AK6: variants seen among roughly 807,000 people sequenced by gnomAD.
AK6 encodes the protein adenylate kinase isoenzyme 6.
A neutral mutation model predicts 23.7 loss-of-function variants in AK6; 24 were observed. The observed-to-expected ratio is 1.01, with a 90% CI of 0.73 to 1.43. The LOEUF (loss-of-function observed/expected upper bound fraction) is 1.43. Among genes scored for constraint, AK6 ranks in the 40% most tolerant of loss-of-function variants. The probability of loss-of-function intolerance (pLI) is 0.00; values close to 1 mark genes in which losing one functional copy is unlikely to be tolerated. For synonymous variants in AK6, 73 were observed against 69.8 expected (o/e 1.05, Z -0.23); for missense variants, 191 against 199.1 (o/e 0.96, Z 0.24).
chr5:69,352,967 T>C (rs1259711602), intron 4 of AK6, among the ~76,000 whole-genome samples: 1 of 152,212 alleles, frequency 6.6e-6, no homozygotes, highest in Non-Finnish European at 1.5e-5. Context: ...GGATACAATA[T>C]TCATAACAGC....
intron 2 of AK6, among the ~76,000 whole-genome samples, chr5:69,358,509 C>T (rs1762140803): frequency 8.9e-6 from 1 of 112,594 alleles, no homozygotes; most frequent in Admixed American, 1.1e-4. Flanking sequence ...CAGAGCAAGA[C>T]TCTGTCTCAA....
intron 2 of AK6, among the ~76,000 whole-genome samples, chr5:69,360,988 CT>C (rs1382464912): frequency 3.9e-5 from 6 of 152,158 alleles, no homozygotes; most frequent in Admixed American, 1.3e-4. Context: ...TATGGGTATT[CT>C]GCAGTTAGGA....
chr5:69,365,157 G>C, intron 2 of AK6: 1 of 1,614,230 alleles, frequency 6.2e-7, no homozygotes, highest in Non-Finnish European at 8.5e-7. Context: ...TGGAGACTGA[G>C]AAGTAGGCAT....
chr5:69,367,963 G>A (rs145710566), intron 1 of AK6: 1 of 152,172 alleles, frequency 6.6e-6, no homozygotes, highest in Non-Finnish European at 1.5e-5. Flanking sequence ...GCAGGAGTTC[G>A]AGACCAGCCT....
intron 2 of AK6, chr5:69,365,188 C>A: frequency 6.8e-6 from 11 of 1,614,206 alleles, no homozygotes; most frequent in Non-Finnish European, 8.5e-6. Context: ...AACCTTTGAC[C>A]TGTGAGGGAC....
At chr5:69,353,354 G>A (rs1761998316) in intron 4 of AK6, among the ~76,000 whole-genome samples, 1 of 152,132 alleles carries the variant, frequency 6.6e-6, no homozygotes, top group African/African-American at 2.4e-5. Flanking sequence ...CTGGAGTGCA[G>A]TGGTGTGATC....
chr5:69,363,652 C>T (rs1217106087), intron 2 of AK6, among the ~76,000 whole-genome samples: 1 of 151,630 alleles, frequency 6.6e-6, no homozygotes, highest in African/African-American at 2.4e-5. Context: ...GGCGTGGTGG[C>T]AGGTGCCTGT....
At chr5:69,352,359 C>T (rs1258803829) in intron 4 of AK6, 106 bp from the exon 5 acceptor site, 2 of 818,938 alleles carry the variant, frequency 2.4e-6, no homozygotes, top group African/African-American at 3.4e-5. Context: ...TGAAAAATTA[C>T]AGAAATGGTC....
upstream of AK6, chr5:69,369,543 A>C: frequency 2.5e-6 from 4 of 1,610,350 alleles, no homozygotes; most frequent in Non-Finnish European, 3.4e-6. Context: ...TTTGCTCTAC[A>C]GGGAGGAGCC....
At chr5:69,365,704 T>G in intron 2 of AK6, 1 of 1,578,058 alleles carries the variant, frequency 6.3e-7, no homozygotes, top group Non-Finnish European at 8.6e-7. Context: ...TCTTTCGGCA[T>G]GCTCTTGGGA....
At chr5:69,359,114 T>G in intron 2 of AK6, among the ~76,000 whole-genome samples, 1 of 151,162 alleles carries the variant, frequency 6.6e-6, no homozygotes, top group South Asian at 2.1e-4. Flanking sequence ...AGCATGGCGG[T>G]GCCAGCCTAT....
At chr5:69,366,766 T>A (rs576234549) in intron 1 of AK6, 171 bp from the exon 2 acceptor site, 16 of 487,412 alleles carry the variant, frequency 3.3e-5, no homozygotes, top group Non-Finnish European at 4.8e-5. Flanking sequence ...ATATGTAAAA[T>A]TTTTTTTTTG....
chr5:69,368,727 C>T (rs1041990819), intron 1 of AK6: 1 of 152,120 alleles, frequency 6.6e-6, no homozygotes, highest in Non-Finnish European at 1.5e-5. Context: ...CACGAATGGC[C>T]TACAATTTGA....
intron 2 of AK6, among the ~76,000 whole-genome samples, chr5:69,357,506 G>A (rs1762114117): frequency 6.6e-6 from 1 of 152,150 alleles, no homozygotes; most frequent in Non-Finnish European, 1.5e-5. Context: ...TCTGTTCCTT[G>A]AGAAATAATC....
At chr5:69,358,236 G>A (rs200065607) in intron 2 of AK6, among the ~76,000 whole-genome samples, 1 of 152,040 alleles carries the variant, frequency 6.6e-6, no homozygotes, top group East Asian at 1.9e-4. Flanking sequence ...TTTAAAAGAT[G>A]ACTCTGGCCG....
rs112992107 is a variant in AK6 at position 69,357,895 on chromosome 5, T to C, written c.122-1942A>G. Among the ~76,000 whole-genome samples, 1,027 of 152,208 alleles carry C rather than the reference T, an allele frequency of 6.7e-3. 17 individuals are homozygous for C. Among genetic ancestry groups the C allele is most frequent in the African/African-American group, 0.024 (995 of 41,564 alleles). ...TATGTAATTAATTTTGTAAAAATTA[T>C]GTAATTAAAATTAATAAGTATTAGA... On this transcript the variant is annotated intron_variant, in intron 2 of 4. Coordinates refer to ENST00000380822, the MANE Select transcript of AK6 (RefSeq NM_016283.5).
At chr5:69,365,203 G>A in intron 2 of AK6, 2 of 1,614,198 alleles carry the variant, frequency 1.2e-6, no homozygotes, top group South Asian at 2.2e-5. Flanking sequence ...AGGGACATGG[G>A]AGTCCCTACT....
At chr5:69,362,291 A>G (rs1438768106) in intron 2 of AK6, among the ~76,000 whole-genome samples, 1 of 151,958 alleles carries the variant, frequency 6.6e-6, no homozygotes, top group Non-Finnish European at 1.5e-5. Context: ...CCATGTGACA[A>G]CCCAAAATGT....
intron 1 of AK6, chr5:69,368,849 C>T (rs908424962): frequency 6.6e-6 from 1 of 152,316 alleles, no homozygotes; most frequent in Admixed American, 6.5e-5. Context: ...CAAAGACCCA[C>T]TCCTACGCGA....
Sources: gnomAD v4.1 joint callset for allele counts (sites outside exome capture counted in the v4.1 genomes callset) on GRCh38, gnomAD v4.1.1 for gene constraint, MANE v1.5 for transcripts, NCBI Gene and HGNC (gene_info 2026-07-23, HGNC 2026-07-21) for gene names.